Variants in SNTG1 observed in about 807,000 individuals in gnomAD.
SNTG1 encodes syntrophin gamma 1.
In SNTG1, 39 loss-of-function variants were observed where a neutral mutation model predicts 74.7. The observed-to-expected ratio is 0.52, with a 90% CI of 0.40 to 0.68. The LOEUF is 0.68. Among genes scored for constraint, SNTG1 ranks in the 30% least tolerant of loss-of-function variants. The probability of loss-of-function intolerance (pLI) is 0.00; values close to 1 mark genes in which losing one functional copy is unlikely to be tolerated. For missense variants in SNTG1, 685 were observed against 609.5 expected (o/e 1.12, Z -1.30); for synonymous variants, 254 against 217.1 (o/e 1.17, Z -1.49).
intron 2 of SNTG1, among the ~76,000 whole-genome samples, chr8:50,384,027 C>A (rs1333048288): frequency 6.6e-6 from 1 of 152,146 alleles, no homozygotes; most frequent in Non-Finnish European, 1.5e-5. Flanking sequence ...GTACAGGAAA[C>A]AAAAGTTTTG....
At chr8:49,918,017 T>C (rs977708529) in intron 1 of SNTG1, among the ~76,000 whole-genome samples, 7 of 152,218 alleles carry the variant, frequency 4.6e-5, no homozygotes, top group Non-Finnish European at 1.0e-4. Context: ...ATTCCACACA[T>C]AGCTGCCGAA....
At chr8:50,015,030 A>G (rs1164113424) in intron 1 of SNTG1, among the ~76,000 whole-genome samples, 2 of 151,756 alleles carry the variant, frequency 1.3e-5, no homozygotes, top group Admixed American at 6.6e-5. Flanking sequence ...AAAAAAGCCA[A>G]CAAAAAATGT....
intron 5 of SNTG1, among the ~76,000 whole-genome samples, chr8:50,440,882 G>C (rs951400485): frequency 6.6e-6 from 1 of 152,154 alleles, no homozygotes; most frequent in African/African-American, 2.4e-5. Context: ...TTAGTTTTAT[G>C]TTAAAAACAC....
intron 8 of SNTG1, among the ~76,000 whole-genome samples, chr8:50,459,606 G>A (rs2093541656): frequency 6.6e-6 from 1 of 152,004 alleles, no homozygotes; most frequent in Admixed American, 6.6e-5. Flanking sequence ...GAGGTTTTGG[G>A]TATGAAAGAC....
intron 18 of SNTG1, among the ~76,000 whole-genome samples, chr8:50,760,663 T>C (rs2095595913): frequency 1.3e-5 from 2 of 151,526 alleles, no homozygotes; most frequent in Admixed American, 6.6e-5. Context: ...AAGAATCAAA[T>C]AGACACAAAA....
intron 2 of SNTG1, among the ~76,000 whole-genome samples, chr8:50,228,689 C>G (rs2085465720): frequency 6.6e-6 from 1 of 151,712 alleles, no homozygotes; most frequent in African/African-American, 2.4e-5. Context: ...GCAAAACTAT[C>G]CTTTGAACAT....
intron 8 of SNTG1, among the ~76,000 whole-genome samples, chr8:50,456,273 G>A (rs979193021): frequency 2.6e-5 from 4 of 152,086 alleles, no homozygotes; most frequent in Non-Finnish European, 5.9e-5. Context: ...TATTTTTTGA[G>A]TGAAGTTGAA....
intron 18 of SNTG1, among the ~76,000 whole-genome samples, chr8:50,760,024 C>A (rs1276110883): frequency 6.6e-6 from 1 of 152,058 alleles, no homozygotes; most frequent in Non-Finnish European, 1.5e-5. Context: ...TTCCCTCGAG[C>A]AGTGGTTTGT....
intron 12 of SNTG1, among the ~76,000 whole-genome samples, chr8:50,577,180 TA>T (rs1292675053): frequency 3.3e-5 from 5 of 152,292 alleles, no homozygotes; most frequent in South Asian, 2.1e-4. Flanking sequence ...GTGTTTATCA[TA>T]AAAGAGTGTA....
At chr8:50,749,469 C>T (rs978634616) in intron 17 of SNTG1, among the ~76,000 whole-genome samples, 23 of 152,004 alleles carry the variant, frequency 1.5e-4, no homozygotes, top group African/African-American at 5.3e-4. Context: ...CTACACTAAA[C>T]AACAGATTTT....
rs1439476335 is a variant in SNTG1, at chr8:50,628,270, T to C, written c.850-28639T>C. Among the ~76,000 whole-genome samples the C allele has an allele frequency of 2.0e-5, 3 of 152,204 alleles. No homozygotes were observed. In the East Asian group the frequency reaches 5.8e-4, roughly 29 times the overall value. On this transcript the variant is annotated intron_variant, in intron 13 of 18. Coordinates refer to ENST00000642720, the MANE Select transcript of SNTG1 (RefSeq NM_018967.5). ...GCTGACTAAAAGAGTCTGTCCTTTT[T>C]TGAAATTTAATAACTTGATTGATTT...
At chr8:50,326,992 G>A (rs1043245805) in intron 2 of SNTG1, among the ~76,000 whole-genome samples, 2 of 151,638 alleles carry the variant, frequency 1.3e-5, no homozygotes, top group African/African-American at 4.8e-5. Context: ...CAAGTGTTTT[G>A]TGATTTTCTA....
chr8:50,202,032 C>A (rs4873421), intron 2 of SNTG1, among the ~76,000 whole-genome samples: 46,389 of 151,874 alleles, frequency 0.31, 7,201 homozygotes, highest in South Asian at 0.42. Context: ...TCTTATGTGC[C>A]GTTCTTTTTG....
At chr8:50,310,593 C>A (rs1278930629) in intron 2 of SNTG1, among the ~76,000 whole-genome samples, 1 of 152,158 alleles carries the variant, frequency 6.6e-6, no homozygotes, top group African/African-American at 2.4e-5. Context: ...GAGGCTGAGG[C>A]AGGAGAATCG....
At chr8:50,271,679 A>G (rs1303859000) in intron 2 of SNTG1, among the ~76,000 whole-genome samples, 2 of 152,176 alleles carry the variant, frequency 1.3e-5, no homozygotes, top group African/African-American at 4.8e-5. Flanking sequence ...TAGAGAGTAC[A>G]TTCGTATGAC....
intron 1 of SNTG1, among the ~76,000 whole-genome samples, chr8:50,045,322 T>C (rs1189361657): frequency 6.6e-6 from 1 of 152,130 alleles, no homozygotes; most frequent in East Asian, 1.9e-4. Context: ...AAACTTACAA[T>C]CATGGCAGAA....
chr8:50,107,266 A>G (rs2080407418), intron 1 of SNTG1, among the ~76,000 whole-genome samples: 1 of 152,202 alleles, frequency 6.6e-6, no homozygotes, highest in Admixed American at 6.6e-5. Flanking sequence ...ATGAAAGAAT[A>G]AGGTATGGAC....
At chr8:49,930,386 T>C (rs2129355588) in intron 1 of SNTG1, among the ~76,000 whole-genome samples, 1 of 152,214 alleles carries the variant, frequency 6.6e-6, no homozygotes, top group Non-Finnish European at 1.5e-5. Context: ...ATAACCTCAA[T>C]ATATAGATTT....
At chr8:50,734,374 A>T (rs1441467762) in intron 17 of SNTG1, among the ~76,000 whole-genome samples, 2 of 151,736 alleles carry the variant, frequency 1.3e-5, no homozygotes, top group Non-Finnish European at 3.0e-5. Flanking sequence ...CTCAGTATAT[A>T]CTAGCCACTT....
Sources: gnomAD v4.1 joint callset for allele counts (sites outside exome capture counted in the v4.1 genomes callset) on GRCh38, gnomAD v4.1.1 for gene constraint, MANE v1.5 for transcripts, NCBI Gene and HGNC (gene_info 2026-07-23, HGNC 2026-07-21) for gene names.